The following GPSM1 variants were observed in gnomAD, a reference collection of about 807,000 sequenced individuals.
GPSM1 encodes the protein G protein signaling modulator 1, also known as G protein-signaling modulator 1.
GPSM1 carries 48 observed loss-of-function variants against 70.5 expected under a neutral mutation model. The observed-to-expected ratio is 0.68, with a 90% CI of 0.54 to 0.87. The LOEUF (loss-of-function observed/expected upper bound fraction) is 0.87. GPSM1 is among the 40% of genes least tolerant of loss of function. GPSM1 has a pLI of 0.00. For missense variants in GPSM1, 981 were observed against 972.6 expected, an observed-to-expected ratio of 1.01 and a Z score of -0.11; for synonymous variants, 416 against 430.1, an observed-to-expected ratio of 0.97 and a Z score of 0.41.
At chr9:136,346,785 A>G (rs28463641) in intron 9 of GPSM1, among the ~76,000 whole-genome samples, 2,148 of 151,864 alleles carry the variant, frequency 0.014, 58 homozygotes, top group African/African-American at 0.05. Flanking sequence ...GGTCAGGGGG[A>G]TGTTGGCTGA....
In GPSM1 at chr9:136,355,859, C is replaced by G; in HGVS notation, c.1612+13C>G. 1 of 1,595,076 alleles carries G rather than the reference C, an allele frequency of 6.3e-7. No homozygotes were observed. Among genetic ancestry groups the G allele is most frequent in the East Asian group, 2.2e-5 (1 of 44,634 alleles). Reference sequence around the variant, plus strand: ...GAGGACAGGATCGGTGAGTGCCCCCCTCAGCCGGGCCCTCCCTTGGGCTTG... The same window carrying G: ...GAGGACAGGATCGGTGAGTGCCCCCGTCAGCCGGGCCCTCCCTTGGGCTTG... On this transcript the variant is annotated intron_variant, in intron 12 of 13. Transcript: ENST00000440944.
In GPSM1 at chr9:136,337,499, G is replaced by T; in HGVS notation, c.637G>T (p.Gly213Cys). ...CCGTGCGGCGCAGGGCAGGGCCTAC[G>T]GCAACCTGGGCAACACCCACTATTT... ...GDRAAQGRAY[G>C]NLGNTHYLLG... Residue 213 changes from glycine to cysteine, a missense_variant, in exon 5 of 14, where the codon GGC (glycine) becomes TGC (cysteine). Coordinates refer to ENST00000440944, the MANE Select transcript of GPSM1 (RefSeq NM_001145638.3). 6.4e-7 allele frequency: 1 copy of T among 1,562,120 alleles called. No individual in the cohort carries two copies. The highest frequency in any genetic ancestry group is 8.7e-7 in the Non-Finnish European group (1 of 1,153,134).
At chr9:136,353,377 C>T (rs1832723648) in intron 11 of GPSM1, among the ~76,000 whole-genome samples, 1 of 152,166 alleles carries the variant, frequency 6.6e-6, no homozygotes. Context: ...GAGGTTAGAG[C>T]AGGGAGGCGG....
rs1403676509 is a variant in GPSM1, at chr9:136,342,468, C to A, written c.1207+1475C>A. Among the ~76,000 whole-genome samples, 1 of 152,220 alleles carries A rather than the reference C, an allele frequency of 6.6e-6. No individual in the cohort carries two copies. Among genetic ancestry groups the A allele is most frequent in the East Asian group, 1.9e-4 (1 of 5,188 alleles). Reference sequence around the variant, plus strand: ...TGCCGCCCCGAGTGCGGGACCCCTTCCAGCCGGCCGGACGCCTCCTCCCCC... The same window carrying A: ...TGCCGCCCCGAGTGCGGGACCCCTTACAGCCGGCCGGACGCCTCCTCCCCC... On this transcript the variant is annotated intron_variant, in intron 9 of 13. Coordinates refer to ENST00000440944, the MANE Select transcript of GPSM1 (RefSeq NM_001145638.3). This position sits in a 1 kb window ranked among gnomAD's most constrained non-coding sequence, Gnocchi z 5.5.
In GPSM1 at chr9:136,359,091, T is replaced by C. The variant is rs1025974197; in HGVS notation, c.*871T>C. The C allele has an allele frequency of 1.3e-5, 2 of 152,326 alleles. No homozygotes were observed. Among genetic ancestry groups the C allele is most frequent in the Non-Finnish European group, 2.9e-5 (2 of 68,090 alleles). 9.4% of individuals were successfully genotyped at this position (152,326 alleles called of 1,614,324 possible). ...AGCTCAACCCTGCAGACCCCCCATATGAGAACCCCCCTCCTCCCACCAGCT... is the reference window on the plus strand; with the variant it reads ...AGCTCAACCCTGCAGACCCCCCATACGAGAACCCCCCTCCTCCCACCAGCT... On this transcript the variant is annotated 3_prime_UTR_variant, in exon 14 of 14. Transcript: ENST00000440944.
chr9:136,334,674 T>C lies in GPSM1; in HGVS notation c.290+6T>C. Reference sequence around the variant, plus strand: ...CATGACCTCCTGCTGGCGCGGTGAGTGGGGACGGTCCTGCTGGCGGGTGAG... The same window carrying C: ...CATGACCTCCTGCTGGCGCGGTGAGCGGGGACGGTCCTGCTGGCGGGTGAG... On this transcript the variant is annotated splice_donor_region_variant and intron_variant, in intron 2 of 13. Transcript: ENST00000440944. 1 of 1,605,030 alleles carries C rather than the reference T, an allele frequency of 6.2e-7. No individual in the cohort carries two copies. Among genetic ancestry groups the C allele is most frequent in the Non-Finnish European group, 8.5e-7 (1 of 1,176,724 alleles).
Position 136,340,858 on chromosome 9 carries a change from C to T in GPSM1, c.1084-12C>T. 3 of 1,561,574 alleles carry T rather than the reference C, an allele frequency of 1.9e-6. No individual in the cohort carries two copies. Among genetic ancestry groups the T allele is most frequent in the African/African-American group, 1.4e-5 (1 of 73,810 alleles). On this transcript the variant is annotated splice_polypyrimidine_tract_variant and intron_variant, in intron 8 of 13. Transcript: ENST00000440944. This position sits in a 1 kb window ranked among gnomAD's most constrained non-coding sequence, Gnocchi z 7.3. ...GCCACACCTGCCCGCTCCGCCACCC[C>T]ACTCGCCGCAGATCGGGGACCGCCA...
At position 136,341,230 on chromosome 9, in the gene GPSM1, G is replaced by C; in HGVS notation, c.1207+237G>C. ...AGGGCTGCTGGATGAAGGACAGGAGGTGGTCGCCTGTTGCCCCACTGGCTG... is the reference window on the plus strand; with the variant it reads ...AGGGCTGCTGGATGAAGGACAGGAGCTGGTCGCCTGTTGCCCCACTGGCTG... On this transcript the variant is annotated intron_variant, in intron 9 of 13. Coordinates refer to ENST00000440944, the MANE Select transcript of GPSM1 (RefSeq NM_001145638.3). The surrounding 1 kb of genome is among the most constrained non-coding windows in gnomAD (Gnocchi z 6.7). 1 of 1,515,558 alleles carries C rather than the reference G, an allele frequency of 6.6e-7. No homozygotes were observed. Among genetic ancestry groups the C allele is most frequent in the African/African-American group, 1.4e-5 (1 of 72,004 alleles). 93.9% of individuals were successfully genotyped at this position (1,515,558 alleles called of 1,614,324 possible).
Position 136,336,110 on chromosome 9 carries a change from T to C in GPSM1, c.426+9T>C. ...AAGAGCAGGGAGACAAGGTGGGGGC[T>C]TGGTCCGGGGCTGGGTGTCTCCCAC... On this transcript the variant is annotated intron_variant, in intron 3 of 13. Coordinates refer to ENST00000440944, the MANE Select transcript of GPSM1 (RefSeq NM_001145638.3). The C allele has an allele frequency of 6.2e-7, 1 of 1,609,104 alleles. No homozygotes were observed.
rs1380150585 is a variant in GPSM1 at position 136,337,584 on chromosome 9, A to G, written c.702+20A>G. Reference sequence around the variant, plus strand: ...AAGGAGGTGAGCCGGGCAGGGTGACAGGGTGGAGGGGCCGGGCTGCTGCAG... The same window carrying G: ...AAGGAGGTGAGCCGGGCAGGGTGACGGGGTGGAGGGGCCGGGCTGCTGCAG... On this transcript the variant is annotated intron_variant, in intron 5 of 13. Coordinates refer to ENST00000440944, the MANE Select transcript of GPSM1 (RefSeq NM_001145638.3). The G allele has an allele frequency of 3.2e-6, 5 of 1,551,032 alleles. No individual in the cohort carries two copies. Among genetic ancestry groups the G allele is most frequent in the Non-Finnish European group, 4.4e-6 (5 of 1,146,476 alleles).
At chr9:136,356,816 T>G (rs1334427252) in intron 13 of GPSM1, among the ~76,000 whole-genome samples, 2 of 152,092 alleles carry the variant, frequency 1.3e-5, no homozygotes, top group African/African-American at 4.8e-5. Flanking sequence ...GCCACCCCCC[T>G]GCCATGCAGG....
intron 12 of GPSM1, among the ~76,000 whole-genome samples, 167 bp from the exon 13 acceptor site, chr9:136,356,175 G>A (rs1554773091): frequency 6.6e-6 from 1 of 152,118 alleles, no homozygotes; most frequent in East Asian, 1.9e-4. Flanking sequence ...AGGGGGAGCA[G>A]CTGAGAGCTG....
At chr9:136,353,369 G>A (rs1237629840) in intron 11 of GPSM1, among the ~76,000 whole-genome samples, 2 of 152,198 alleles carry the variant, frequency 1.3e-5, no homozygotes, top group Admixed American at 6.5e-5. Flanking sequence ...GCAAGGGAGA[G>A]GTTAGAGCAG....
chr9:136,349,174 T>C (rs1832596674), intron 10 of GPSM1, among the ~76,000 whole-genome samples: 1 of 152,256 alleles, frequency 6.6e-6, no homozygotes, highest in African/African-American at 2.4e-5. Context: ...GGGGGCTGCC[T>C]GGCGTAGGGC....
Position 136,339,822 on chromosome 9 carries a change from C to G in GPSM1, c.1083+7C>G. 6.6e-7 allele frequency: 1 copy of G among 1,504,526 alleles called. No individual in the cohort carries two copies. Among genetic ancestry groups the G allele is most frequent in the Non-Finnish European group, 9.0e-7 (1 of 1,112,840 alleles). 93.2% of individuals were successfully genotyped at this position (1,504,526 alleles called of 1,614,324 possible). A position where few individuals can be genotyped will look rare whatever the true frequency, so the allele number is the denominator to read the frequency against. On this transcript the variant is annotated splice_region_variant and intron_variant, in intron 8 of 13. Coordinates refer to ENST00000440944, the MANE Select transcript of GPSM1 (RefSeq NM_001145638.3). ...CCTGCAGATCTCCCAGGAGGTGAGC[C>G]AGGCCTGCCCCCAGAAGTCCCGGGC...
At chr9:136,332,419 G>A (rs1040628304) in intron 1 of GPSM1, among the ~76,000 whole-genome samples, 5 of 152,240 alleles carry the variant, frequency 3.3e-5, no homozygotes, top group Admixed American at 2.6e-4. Flanking sequence ...CCACGTCTCC[G>A]GCTGGAAGGG....
chr9:136,346,782 G>A lies in GPSM1; in HGVS notation c.1208-1915G>A, dbSNP rs541493677. Among the ~76,000 whole-genome samples, 269 of 152,352 alleles carry A rather than the reference G, an allele frequency of 1.8e-3. 2 individuals are homozygous for A. The highest frequency in any genetic ancestry group is 2.7e-3 in the Non-Finnish European group (187 of 68,034). On this transcript the variant is annotated intron_variant, in intron 9 of 13. Coordinates refer to ENST00000440944, the MANE Select transcript of GPSM1 (RefSeq NM_001145638.3). ...GGGCCCTGCTGAGGCTGGGGTCAGGGGGATGTTGGCTGAGTGACAGCTGTG... is the reference window on the plus strand; with the variant it reads ...GGGCCCTGCTGAGGCTGGGGTCAGGAGGATGTTGGCTGAGTGACAGCTGTG...
chr9:136,341,463 G>A lies in GPSM1; in HGVS notation c.1207+470G>A, dbSNP rs1832389951. The stretch of plus-strand genomic sequence containing the variant: ...CAAGGCCATGCGAGGCCACCGTGGT[G>A]ACCTCATTCATGGACCGCTGGTCGT... On this transcript the variant is annotated intron_variant, in intron 9 of 13. Coordinates refer to ENST00000440944, the MANE Select transcript of GPSM1 (RefSeq NM_001145638.3). The surrounding 1 kb of genome is among the most constrained non-coding windows in gnomAD (Gnocchi z 6.7). 1 of 1,341,250 alleles carries A rather than the reference G, an allele frequency of 7.5e-7. No homozygotes were observed. Among genetic ancestry groups the A allele is most frequent in the Non-Finnish European group, 9.5e-7 (1 of 1,048,208 alleles). 83.1% of individuals were successfully genotyped at this position (1,341,250 alleles called of 1,614,324 possible).
Position 136,348,211 on chromosome 9 carries a change from C to G in GPSM1, c.1208-486C>G, listed in dbSNP as rs148474654. On this transcript the variant is annotated intron_variant, in intron 9 of 13. Coordinates refer to ENST00000440944, the MANE Select transcript of GPSM1 (RefSeq NM_001145638.3). Reference sequence around the variant, plus strand: ...GGGATTCATCTGAGGCCTTTGCGTCCCCGACCCTGGCCTGGGCTGCCCGCA... The same window carrying G: ...GGGATTCATCTGAGGCCTTTGCGTCGCCGACCCTGGCCTGGGCTGCCCGCA... 5.4e-3 allele frequency among the ~76,000 whole-genome samples: 821 copies of G among 152,346 alleles called. 1 individual carries two copies. The highest frequency in any genetic ancestry group is 0.012 in the African/African-American group (484 of 41,592).
Sources: gnomAD v4.1 joint callset for allele counts (sites outside exome capture counted in the v4.1 genomes callset) on GRCh38, gnomAD v4.1.1 for gene constraint, Gnocchi (gnomAD v3.1) non-coding constraint, MANE v1.5 for transcripts, NCBI Gene and HGNC (gene_info 2026-07-23, HGNC 2026-07-21) for gene names.